Variants in ZNF804B observed in about 807,000 individuals in gnomAD.
ZNF804B encodes the protein zinc finger 804B.
ZNF804B carries 80 observed loss-of-function variants against 101.4 expected under a neutral mutation model. The ratio of observed to expected loss-of-function variants is 0.79; its 90% CI spans 0.66 to 0.95. The LOEUF is 0.95. Ranked by LOEUF, ZNF804B falls within the 40% of genes least tolerant of loss-of-function variation. ZNF804B has a pLI of 0.00. For missense variants in ZNF804B, 1,673 were observed against 1,561.9 expected (o/e 1.07, Z -1.20); for synonymous variants, 622 against 558.8 (o/e 1.11, Z -1.59).
At chr7:89,052,741 G>T (rs142351936) in intron 1 of ZNF804B, among the ~76,000 whole-genome samples, 3 of 152,052 alleles carry the variant, frequency 2.0e-5, no homozygotes, top group African/African-American at 7.2e-5. Context: ...TCAACAAAAC[G>T]TACTCACATT....
At chr7:88,911,109 C>A (rs1462986934) in intron 1 of ZNF804B, among the ~76,000 whole-genome samples, 1 of 151,878 alleles carries the variant, frequency 6.6e-6, no homozygotes, top group Non-Finnish European at 1.5e-5. Flanking sequence ...AAGAAAAGAA[C>A]AGTGAAACAA....
chr7:89,027,177 G>A (rs887504598), intron 1 of ZNF804B, among the ~76,000 whole-genome samples: 4 of 151,962 alleles, frequency 2.6e-5, no homozygotes, highest in Non-Finnish European at 5.9e-5. Flanking sequence ...TGTATAAAAA[G>A]CAAATCATTT....
At chr7:88,794,450 G>C (rs776031300) in intron 1 of ZNF804B, 1 of 1,613,940 alleles carries the variant, frequency 6.2e-7, no homozygotes, top group Non-Finnish European at 8.5e-7. Flanking sequence ...TTTAGGGACT[G>C]TGACTGTGTC....
chr7:88,779,964 T>A (rs1192025919), intron 1 of ZNF804B, among the ~76,000 whole-genome samples: 3 of 152,186 alleles, frequency 2.0e-5, no homozygotes, highest in Non-Finnish European at 4.4e-5. Flanking sequence ...ATTCATTCAT[T>A]CAATCTCAGC....
At chr7:88,854,348 G>C (rs996693653) in intron 1 of ZNF804B, among the ~76,000 whole-genome samples, 4 of 151,448 alleles carry the variant, frequency 2.6e-5, no homozygotes, top group Non-Finnish European at 5.9e-5. Flanking sequence ...TATTCCAGAG[G>C]CTGTGCTCTT....
At chr7:89,118,421 T>A (rs1790348811) in intron 1 of ZNF804B, among the ~76,000 whole-genome samples, 1 of 152,138 alleles carries the variant, frequency 6.6e-6, no homozygotes, top group African/African-American at 2.4e-5. Flanking sequence ...AAATTAAATT[T>A]TGAATACCAA....
chr7:89,181,013 T>G (rs994370739), intron 1 of ZNF804B, among the ~76,000 whole-genome samples: 11 of 151,422 alleles, frequency 7.3e-5, no homozygotes, highest in African/African-American at 2.7e-4. Flanking sequence ...AATGGGGGCC[T>G]TAAAACTCTG....
rs146854549 is a variant in ZNF804B at position 88,912,162 on chromosome 7, G to T, written c.108+152078G>T. ...TCAGAAATATATGAGAGTTCCTTTT[G>T]CTCCATATAGTCATCAACAATTGTT... On this transcript the variant is annotated intron_variant, in intron 1 of 3. Coordinates refer to ENST00000333190, the MANE Select transcript of ZNF804B (RefSeq NM_181646.5). Among the ~76,000 whole-genome samples, 1,135 of 151,920 alleles carry T rather than the reference G, an allele frequency of 7.5e-3. 45 individuals carry two copies. Among genetic ancestry groups the T allele is most frequent in the Admixed American group, 0.062 (941 of 15,238 alleles).
intron 1 of ZNF804B, among the ~76,000 whole-genome samples, chr7:89,212,288 CAA>C (rs772574057): frequency 0.11 from 10,195 of 92,266 alleles, 397 homozygotes; most frequent in South Asian, 0.17. Flanking sequence ...CACACACACA[CAA>C]ACAGACTGCA....
chr7:88,952,815 A>G (rs1793244858), intron 1 of ZNF804B, among the ~76,000 whole-genome samples: 1 of 151,756 alleles, frequency 6.6e-6, no homozygotes, highest in Admixed American at 6.6e-5. Context: ...AAAGAATAAA[A>G]ACACTCACAC....
At chr7:89,153,415 A>C (rs968801007) in intron 1 of ZNF804B, among the ~76,000 whole-genome samples, 9 of 91,900 alleles carry the variant, frequency 9.8e-5, no homozygotes, top group Non-Finnish European at 1.4e-4. Flanking sequence ...ACTACTACTA[A>C]TGATGATGAT....
intron 2 of ZNF804B, among the ~76,000 whole-genome samples, chr7:89,223,833 G>T (rs924443500): frequency 6.6e-6 from 1 of 151,692 alleles, no homozygotes; most frequent in African/African-American, 2.4e-5. Flanking sequence ...CACGTTTTTG[G>T]AAACAACTCA....
At chr7:89,145,717 C>A (rs1345109109) in intron 1 of ZNF804B, among the ~76,000 whole-genome samples, 3 of 151,958 alleles carry the variant, frequency 2.0e-5, no homozygotes, top group Non-Finnish European at 4.4e-5. Flanking sequence ...ACCTTATGCT[C>A]CATGTTAGTG....
At chr7:88,977,168 G>A (rs1318899944) in intron 1 of ZNF804B, among the ~76,000 whole-genome samples, 1 of 150,172 alleles carries the variant, frequency 6.7e-6, no homozygotes, top group South Asian at 2.1e-4. Flanking sequence ...CATCACTGTT[G>A]ATCAGGGATA....
At chr7:89,083,308 T>G (rs902385353) in intron 1 of ZNF804B, among the ~76,000 whole-genome samples, 1 of 151,820 alleles carries the variant, frequency 6.6e-6, no homozygotes, top group African/African-American at 2.4e-5. Flanking sequence ...TATTTGGACT[T>G]TCTGAAATAT....
intron 1 of ZNF804B, among the ~76,000 whole-genome samples, chr7:88,937,376 T>G (rs1210456499): frequency 6.6e-6 from 1 of 152,068 alleles, no homozygotes; most frequent in East Asian, 1.9e-4. Context: ...ATAAAGAGCC[T>G]AAGCTTATTC....
chr7:89,263,558 A>G (rs1270343937), intron 2 of ZNF804B, among the ~76,000 whole-genome samples: 1 of 151,734 alleles, frequency 6.6e-6, no homozygotes, highest in Non-Finnish European at 1.5e-5. Context: ...TCAAAAAGAT[A>G]TGTTCTAACC....
At chr7:89,117,235 T>C (rs1183605166) in intron 1 of ZNF804B, among the ~76,000 whole-genome samples, 4 of 152,212 alleles carry the variant, frequency 2.6e-5, no homozygotes, top group Non-Finnish European at 5.9e-5. Context: ...TCCAGAAATA[T>C]GACAGAATAA....
intron 1 of ZNF804B, among the ~76,000 whole-genome samples, chr7:88,790,567 C>G (rs553732845): frequency 6.6e-6 from 1 of 152,062 alleles, no homozygotes; most frequent in African/African-American, 2.4e-5. Flanking sequence ...ATAATGCCCT[C>G]CCTTCTCCAT....
Sources: allele counts gnomAD v4.1 joint callset (sites outside exome capture counted in the v4.1 genomes callset), GRCh38; gene constraint gnomAD v4.1.1; transcripts MANE v1.5; gene names NCBI Gene and HGNC (gene_info 2026-07-23, HGNC 2026-07-21).